ITIH5: variants seen among roughly 807,000 people sequenced by gnomAD.
ITIH5 encodes the protein inter-alpha-trypsin inhibitor heavy chain H5.
Under a neutral mutation model 77.5 loss-of-function variants are expected in ITIH5, and 65 were observed. The observed-to-expected ratio is 0.84, with a 90% CI of 0.69 to 1.03. The LOEUF (loss-of-function observed/expected upper bound fraction) is 1.03, where lower values mean the gene tolerates loss of function less well. ITIH5 is among the 50% of genes least tolerant of loss of function. ITIH5 has a pLI of 0.00. For missense variants in ITIH5, 1,208 were observed against 1,213.1 expected (o/e 1.00, Z 0.06); for synonymous variants, 525 against 494.3 (o/e 1.06, Z -0.82).
intron 2 of ITIH5, among the ~76,000 whole-genome samples, chr10:7,643,157 G>A (rs898279125): frequency 2.6e-5 from 4 of 152,166 alleles, no homozygotes; most frequent in Non-Finnish European, 5.9e-5. Context: ...GGCACACATT[G>A]AGAAGGCAGC....
intron 7 of ITIH5, among the ~76,000 whole-genome samples, chr10:7,604,095 T>C (rs1355634199): frequency 1.3e-5 from 2 of 152,188 alleles, no homozygotes; most frequent in Non-Finnish European, 2.9e-5. Flanking sequence ...GATGGGTAGA[T>C]TATCAGAGTT....
At position 7,566,407 on chromosome 10, in the gene ITIH5, C is replaced by T. The variant is rs778997409; in HGVS notation, c.2150G>A (p.Gly717Asp). 1.5e-5 allele frequency: 24 copies of T among 1,590,926 alleles called. No homozygotes were observed. Residue 717 changes from glycine (G) to aspartate (D), a missense_variant and splice_region_variant, in exon 13 of 14, where the codon GGT becomes GAT. Transcript: ENST00000397146. ...LRLVSDHRDS[G>D]VTVNGELIGA... ...AATTAACTCTCCGTTCACTGTGACA[C>T]CTCAAAGGCCAAGGGGAAAAGAAGA...
In ITIH5 at chr10:7,559,919, T is replaced by C. The variant is rs1334598614; in HGVS notation, c.*3164A>G. The C allele has an allele frequency of 2.2e-6, 1 of 446,404 alleles. No individual in the cohort carries two copies. Among genetic ancestry groups the C allele is most frequent in the Admixed American group, 2.4e-5 (1 of 41,470 alleles). 27.7% of individuals were successfully genotyped at this position (446,404 alleles called of 1,614,324 possible). A position where few individuals can be genotyped will look rare whatever the true frequency, so the allele number is the denominator to read the frequency against. On this transcript the variant is annotated 3_prime_UTR_variant, in exon 14 of 14. Coordinates refer to ENST00000397146, the MANE Select transcript of ITIH5 (RefSeq NM_030569.7). ...CCAGCTGGAGTGCAGTGGCGTGATC[T>C]TGGCTCACTACAAGTTCCGACTGCC... is the stretch of plus-strand genomic sequence containing the variant.
At chr10:7,628,486 G>A (rs188142647) in intron 5 of ITIH5, among the ~76,000 whole-genome samples, 1 of 124,078 alleles carries the variant, frequency 8.1e-6, no homozygotes, top group Non-Finnish European at 2.0e-5. Context: ...GCATGTGTCT[G>A]TGTTATAGTG....
chr10:7,638,326 G>A (rs1833833389), intron 4 of ITIH5, among the ~76,000 whole-genome samples: 1 of 152,154 alleles, frequency 6.6e-6, no homozygotes, highest in Non-Finnish European at 1.5e-5. Flanking sequence ...CTCCTTCCCA[G>A]AACTGGAAAG....
intron 12 of ITIH5, among the ~76,000 whole-genome samples, chr10:7,566,909 AAGAAGAAG>A (rs1832196822): frequency 8.1e-6 from 1 of 123,204 alleles, no homozygotes; most frequent in Non-Finnish European, 1.7e-5. Flanking sequence ...GAAGAAGAAG[AAGAAGAAG>A]AAGAAAAGAA....
chr10:7,592,662 C>A (rs1021819047), intron 7 of ITIH5, among the ~76,000 whole-genome samples: 3 of 152,196 alleles, frequency 2.0e-5, no homozygotes, highest in Non-Finnish European at 2.9e-5. Flanking sequence ...GCCTGATAGA[C>A]AAGCTGCAGT....
At chr10:7,615,535 A>G (rs1833346681) in intron 7 of ITIH5, among the ~76,000 whole-genome samples, 1 of 152,022 alleles carries the variant, frequency 6.6e-6, no homozygotes, top group African/African-American at 2.4e-5. Flanking sequence ...TCTCCCCACC[A>G]CCCTGGAATT....
At chr10:7,637,769 T>C (rs1298198770) in intron 4 of ITIH5, among the ~76,000 whole-genome samples, 2 of 152,148 alleles carry the variant, frequency 1.3e-5, no homozygotes, top group Non-Finnish European at 2.9e-5. Context: ...GGAAAGGACG[T>C]TGAGTAGGTG....
intron 5 of ITIH5, among the ~76,000 whole-genome samples, chr10:7,624,702 C>T (rs1833530076): frequency 1.4e-5 from 2 of 145,446 alleles, no homozygotes; most frequent in African/African-American, 5.1e-5. Flanking sequence ...AGAAGAATTG[C>T]TTGAACCTGG....
intron 2 of ITIH5, among the ~76,000 whole-genome samples, chr10:7,649,654 C>CAGATGTAGTAAAACAG (rs1328346480): frequency 2.6e-5 from 4 of 152,114 alleles, no homozygotes; most frequent in African/African-American, 9.7e-5. Context: ...GTAGTATTTA[C>CAGATGTAGTAAAACAG]ATGTGGTGAA....
At chr10:7,566,908 GA>G (rs1564232841) in intron 12 of ITIH5, among the ~76,000 whole-genome samples, 3 of 100,624 alleles carry the variant, frequency 3.0e-5, no homozygotes, top group Non-Finnish European at 4.2e-5. Flanking sequence ...AGAAGAAGAA[GA>G]AGAAGAAGAA....
intron 5 of ITIH5, 155 bp from the exon 6 acceptor site, chr10:7,617,437 G>A (rs181683722): frequency 9.4e-5 from 45 of 479,952 alleles, no homozygotes; most frequent in African/African-American, 8.0e-5. Context: ...ATCACAATGC[G>A]AGAGTTATGT....
chr10:7,632,541 A>G (rs1334463577), intron 5 of ITIH5, among the ~76,000 whole-genome samples: 1 of 152,256 alleles, frequency 6.6e-6, no homozygotes, highest in East Asian at 1.9e-4. Flanking sequence ...AGTGGCAGAA[A>G]AAAATAATCA....
At chr10:7,612,158 G>A (rs1203521115) in intron 7 of ITIH5, among the ~76,000 whole-genome samples, 1 of 152,134 alleles carries the variant, frequency 6.6e-6, no homozygotes, top group African/African-American at 2.4e-5. Context: ...ATTTCTACAT[G>A]AAGACAGTCA....
chr10:7,635,679 T>A (rs1464264220), intron 5 of ITIH5, among the ~76,000 whole-genome samples: 2 of 152,122 alleles, frequency 1.3e-5, no homozygotes, highest in African/African-American at 4.8e-5. Context: ...GCCTCTCACA[T>A]AGTCATTAAC....
At chr10:7,636,184 GA>G (rs543967088) in intron 5 of ITIH5, among the ~76,000 whole-genome samples, 2,206 of 151,150 alleles carry the variant, frequency 0.015, 25 homozygotes, top group Non-Finnish European at 0.022. Context: ...CCCAAAAAAA[GA>G]AAAAAAATAC....
chr10:7,600,976 G>A (rs1018818691), intron 7 of ITIH5, among the ~76,000 whole-genome samples: 1 of 152,146 alleles, frequency 6.6e-6, no homozygotes, highest in Non-Finnish European at 1.5e-5. Context: ...TTGTTTATAA[G>A]CTACTCAGTC....
At chr10:7,609,813 C>T (rs1238254653) in intron 7 of ITIH5, among the ~76,000 whole-genome samples, 1 of 152,078 alleles carries the variant, frequency 6.6e-6, no homozygotes, top group Admixed American at 6.6e-5. Context: ...TTCGTCACTG[C>T]TTGGTTGCCA....
Sources: allele counts gnomAD v4.1 joint callset (sites outside exome capture counted in the v4.1 genomes callset), GRCh38; gene constraint gnomAD v4.1.1; transcripts MANE v1.5; gene names NCBI Gene and HGNC (gene_info 2026-07-23, HGNC 2026-07-21).